The following STK39 variants were observed in gnomAD, a reference collection of about 807,000 sequenced individuals.
The protein encoded by STK39 is STE20/SPS1-related proline-alanine-rich protein kinase.
Under a neutral mutation model 77.8 loss-of-function variants are expected in STK39, and 20 were observed. The ratio of observed to expected loss-of-function variants is 0.26; its 90% CI spans 0.18 to 0.37. The LOEUF (loss-of-function observed/expected upper bound fraction) is 0.37, where lower values mean the gene tolerates loss of function less well. STK39 is among the 10% of genes least tolerant of loss of function. STK39 has a pLI of 1.00. For synonymous variants in STK39, 246 were observed against 234.1 expected (o/e 1.05, Z -0.47); for missense variants, 479 against 656.5 (o/e 0.73, Z 2.95).
At chr2:168,185,387 C>T (rs1314781157) in intron 1 of STK39, among the ~76,000 whole-genome samples, 2 of 152,094 alleles carry the variant, frequency 1.3e-5, no homozygotes, top group Non-Finnish European at 2.9e-5. Flanking sequence ...AAGTAATTCC[C>T]GACTAAGAAC....
intron 2 of STK39, among the ~76,000 whole-genome samples, chr2:168,174,485 T>C (rs1056565473): frequency 2.6e-5 from 4 of 152,138 alleles, no homozygotes; most frequent in African/African-American, 9.7e-5. Context: ...AGTAGTGATA[T>C]TGAAATACTA....
intron 10 of STK39, among the ~76,000 whole-genome samples, chr2:168,120,446 G>A (rs1052956135): frequency 6.6e-6 from 1 of 152,132 alleles, no homozygotes; most frequent in Non-Finnish European, 1.5e-5. Context: ...ACGTTTGTGC[G>A]TTCTTCACAG....
intron 16 of STK39, among the ~76,000 whole-genome samples, chr2:168,002,251 C>T (rs1684020252): frequency 6.6e-6 from 1 of 152,204 alleles, no homozygotes; most frequent in African/African-American, 2.4e-5. Flanking sequence ...TCAGGGCTTA[C>T]AGTGTGGTTT....
intron 2 of STK39, among the ~76,000 whole-genome samples, chr2:168,168,848 T>C (rs1223673326): frequency 6.6e-6 from 1 of 152,038 alleles, no homozygotes; most frequent in East Asian, 1.9e-4. Flanking sequence ...CTGAGTGTGG[T>C]GGTGTGCGCC....
At chr2:168,229,704 G>T (rs1228955163) in intron 1 of STK39, among the ~76,000 whole-genome samples, 1 of 152,138 alleles carries the variant, frequency 6.6e-6, no homozygotes, top group African/African-American at 2.4e-5. Flanking sequence ...GACAAATCTA[G>T]CTCATGACTT....
chr2:168,242,558 A>ATATATATATAT (rs1166980342), intron 1 of STK39, among the ~76,000 whole-genome samples: 1 of 63,592 alleles, frequency 1.6e-5, no homozygotes, highest in African/African-American at 7.6e-5. Flanking sequence ...AAAAAAAAAA[A>ATATATATATAT]AAATATATAT....
chr2:168,047,874 AC>A (rs1685285181), intron 14 of STK39, among the ~76,000 whole-genome samples: 1 of 152,244 alleles, frequency 6.6e-6, no homozygotes, highest in Non-Finnish European at 1.5e-5. Context: ...GGTATGCTTG[AC>A]AGCATCTTCC....
chr2:167,995,807 A>C (rs1273563597), intron 16 of STK39, among the ~76,000 whole-genome samples: 1 of 152,130 alleles, frequency 6.6e-6, no homozygotes, highest in East Asian at 1.9e-4. Flanking sequence ...TTACAAGGGG[A>C]AACTCTTTGG....
intron 10 of STK39, among the ~76,000 whole-genome samples, chr2:168,099,831 CA>C (rs2105448513): frequency 6.6e-6 from 1 of 152,132 alleles, no homozygotes; most frequent in East Asian, 1.9e-4. Context: ...AGAAAAAAAC[CA>C]TAATAGGAGA....
chr2:168,083,707 C>T (rs946431810), intron 10 of STK39, among the ~76,000 whole-genome samples: 1 of 151,726 alleles, frequency 6.6e-6, no homozygotes, highest in Non-Finnish European at 1.5e-5. Context: ...GGCTGGGTCA[C>T]AAGATACTGG....
chr2:168,107,598 A>G (rs1687008707), intron 10 of STK39, among the ~76,000 whole-genome samples: 2 of 152,228 alleles, frequency 1.3e-5, no homozygotes, highest in South Asian at 4.1e-4. Context: ...CGTTAAAAAT[A>G]TCATTTCACA....
At chr2:168,096,920 C>A (rs1411482273) in intron 10 of STK39, among the ~76,000 whole-genome samples, 1 of 151,894 alleles carries the variant, frequency 6.6e-6, no homozygotes, top group East Asian at 1.9e-4. Context: ...AAAAAACCTG[C>A]CTTTCAATGG....
rs148473587 is a variant in STK39, at chr2:167,990,311, C to A, written c.1498+22323G>T. Among the ~76,000 whole-genome samples, 192 of 152,284 alleles carry A rather than the reference C, an allele frequency of 1.3e-3. 3 individuals are homozygous for A. The highest frequency in any genetic ancestry group is 4.1e-3 in the African/African-American group (169 of 41,556). The stretch of plus-strand genomic sequence containing the variant: ...GATTATGCAGAGGATTTATTTCTGG[C>A]TGGCTGGAGGTCAGTCAAATATATA... On this transcript the variant is annotated intron_variant, in intron 16 of 17. Transcript: ENST00000355999.
chr2:168,092,881 G>C (rs1686561817), intron 10 of STK39, among the ~76,000 whole-genome samples: 1 of 152,192 alleles, frequency 6.6e-6, no homozygotes, highest in Non-Finnish European at 1.5e-5. Context: ...CAGTTCTTGA[G>C]TTAAGAGGCT....
At chr2:168,134,264 T>C (rs1286539506) in intron 8 of STK39, among the ~76,000 whole-genome samples, 2 of 152,066 alleles carry the variant, frequency 1.3e-5, no homozygotes, top group Admixed American at 6.5e-5. Context: ...CAGAAGAAAA[T>C]CTCTTAAAGG....
At chr2:168,152,882 T>C (rs1170807938) in intron 5 of STK39, among the ~76,000 whole-genome samples, 1 of 152,168 alleles carries the variant, frequency 6.6e-6, no homozygotes, top group Non-Finnish European at 1.5e-5. Flanking sequence ...TACCTGCAGG[T>C]GATCTTTTTT....
intron 1 of STK39, among the ~76,000 whole-genome samples, chr2:168,236,109 A>G (rs578066300): frequency 0.017 from 2,547 of 152,038 alleles, 85 homozygotes; most frequent in African/African-American, 0.059. Flanking sequence ...CATCCTCTCC[A>G]GCACCTGTTG....
At chr2:168,235,510 A>G (rs1471892063) in intron 1 of STK39, among the ~76,000 whole-genome samples, 1 of 151,622 alleles carries the variant, frequency 6.6e-6, no homozygotes, top group Admixed American at 6.6e-5. Flanking sequence ...TGCAGGTTAC[A>G]TATGTATACA....
intron 3 of STK39, among the ~76,000 whole-genome samples, chr2:168,165,295 G>C (rs189401694): frequency 6.6e-6 from 1 of 152,116 alleles, no homozygotes; most frequent in East Asian, 1.9e-4. Flanking sequence ...GGCTAAATTG[G>C]ACTCAAAAAG....
Sources: gnomAD v4.1 joint callset for allele counts (sites outside exome capture counted in the v4.1 genomes callset) on GRCh38, gnomAD v4.1.1 for gene constraint, MANE v1.5 for transcripts, NCBI Gene and HGNC (gene_info 2026-07-23, HGNC 2026-07-21) for gene names.